The following ZIM2 variants were observed in gnomAD, a reference collection of about 807,000 sequenced individuals.
The protein encoded by ZIM2 is zinc finger imprinted 2.
ZIM2 carries 14 observed loss-of-function variants against 38.6 expected under a neutral mutation model. That is an observed-to-expected ratio of 0.36 (90% CI 0.24 to 0.57). The LOEUF (loss-of-function observed/expected upper bound fraction) is 0.57, where lower values mean the gene tolerates loss of function less well. Among genes scored for constraint, ZIM2 ranks in the 20% least tolerant of loss-of-function variants. The pLI is 0.81. For synonymous variants in ZIM2, 247 were observed against 245.8 expected (o/e 1.00, Z -0.04); for missense variants, 680 against 695.1 (o/e 0.98, Z 0.24).
rs1247456158 is a variant in ZIM2 at position 56,823,674 on chromosome 19, TGTC to T, written c.19_21del (p.Asp7del). 1.2e-6 allele frequency: 2 copies of T among 1,614,048 alleles called. No homozygotes were observed. The highest frequency in any genetic ancestry group is 2.7e-5 in the African/African-American group (2 of 74,912). On this transcript the variant is annotated inframe_deletion and splice_region_variant, in exon 5 of 13. Transcript: ENST00000629319. ...TCGTCGCTGGTCACGTCACTGTTGTTGTCGTCTAAGAGGACACCGGTCGCCAAG... is the reference window on the plus strand; with the variant it reads ...TCGTCGCTGGTCACGTCACTGTTGTTGTCTAAGAGGACACCGGTCGCCAAG...
intron 9 of ZIM2, chr19:56,810,218 T>C (rs1162075774): frequency 6.1e-6 from 6 of 982,966 alleles, no homozygotes; most frequent in Non-Finnish European, 7.2e-6. Flanking sequence ...CTTTGGATGG[T>C]GAAAACATGG....
chr19:56,811,457 A>T, intron 9 of ZIM2: 1 of 964,596 alleles, frequency 1.0e-6, no homozygotes, highest in Non-Finnish European at 1.2e-6. Flanking sequence ...CGTGATTATC[A>T]TTTTTAAACA....
intron 9 of ZIM2, among the ~76,000 whole-genome samples, chr19:56,805,487 T>C (rs1264510295): frequency 1.3e-5 from 2 of 152,200 alleles, no homozygotes; most frequent in Non-Finnish European, 2.9e-5. Context: ...TTTATCTAAG[T>C]GTCTCCCACT....
chr19:56,813,216 T>A (rs1287420417), intron 9 of ZIM2: 12 of 947,832 alleles, frequency 1.3e-5, no homozygotes, highest in Non-Finnish European at 1.5e-5. Flanking sequence ...AAAAAAAAAA[T>A]TCAAAGAATA....
intron 11 of ZIM2, among the ~76,000 whole-genome samples, chr19:56,780,612 C>T (rs964916762): frequency 9.2e-5 from 14 of 152,232 alleles, no homozygotes; most frequent in African/African-American, 2.9e-4. Context: ...CTCACACACA[C>T]ACACAAAAAT....
chr19:56,818,069 CAT>C (rs2060143624), intron 8 of ZIM2, among the ~76,000 whole-genome samples: 1 of 152,270 alleles, frequency 6.6e-6, no homozygotes, highest in African/African-American at 2.4e-5. Context: ...AAAGACCCCA[CAT>C]GTCCCTGAAA....
intron 10 of ZIM2, among the ~76,000 whole-genome samples, chr19:56,785,113 A>G (rs1212931525): frequency 6.6e-6 from 1 of 152,202 alleles, no homozygotes; most frequent in East Asian, 1.9e-4. Context: ...CTTCTGATTA[A>G]AAGCATTAGA....
chr19:56,812,003 C>T, intron 9 of ZIM2: 7 of 985,144 alleles, frequency 7.1e-6, no homozygotes, highest in Non-Finnish European at 8.4e-6. Context: ...CTTTGACATA[C>T]TTCCAAGCCC....
chr19:56,816,123 T>C, intron 9 of ZIM2: 1 of 1,613,268 alleles, frequency 6.2e-7, no homozygotes, highest in Non-Finnish European at 8.5e-7. Context: ...ACCTCTCATA[T>C]GATTTTGCCT....
chr19:56,789,875 G>C lies in ZIM2; in HGVS notation c.567C>G (p.Ser189=). Residue 189 remains serine, a synonymous_variant, in exon 10 of 13, where the codon TCC becomes TCG. Coordinates refer to ENST00000629319, the MANE Select transcript of ZIM2 (RefSeq NM_001387356.1). ...GTCAGAGGAAAGCCTGACTCACCTG[G>C]GACCCAGCAGATGGCAGATTGTCTA... ...EMLDNLPSAG[S]QFPDFKHLGT... 6.4e-7 allele frequency: 1 copy of C among 1,573,820 alleles called. No individual in the cohort carries two copies. The highest frequency in any genetic ancestry group is 1.2e-5 in the South Asian group (1 of 84,572).
chr19:56,805,590 C>T (rs1364202252), intron 9 of ZIM2, among the ~76,000 whole-genome samples: 1 of 152,158 alleles, frequency 6.6e-6, no homozygotes, highest in Non-Finnish European at 1.5e-5. Context: ...ACTAGCATCA[C>T]CAGTGATGGC....
intron 7 of ZIM2, among the ~76,000 whole-genome samples, chr19:56,819,855 CA>C (rs1313172634): frequency 6.6e-6 from 1 of 151,272 alleles, no homozygotes; most frequent in Non-Finnish European, 1.5e-5. Context: ...AAAAATGTAG[CA>C]AAAAAAAGAG....
intron 4 of ZIM2, 87 bp from the exon 5 acceptor site, chr19:56,823,766 C>A (rs2060739607): frequency 6.9e-7 from 1 of 1,439,122 alleles, no homozygotes; most frequent in South Asian, 1.2e-5. Context: ...ATCTCCCTGT[C>A]ACAGACACAC....
intron 2 of ZIM2, among the ~76,000 whole-genome samples, chr19:56,831,043 T>G (rs2061525134): frequency 6.6e-6 from 1 of 152,204 alleles, no homozygotes; most frequent in Non-Finnish European, 1.5e-5. Flanking sequence ...TCCTTTTTAT[T>G]TTGAGGTGGG....
At chr19:56,778,755 T>C (rs1042292963) in intron 12 of ZIM2, among the ~76,000 whole-genome samples, 1 of 152,086 alleles carries the variant, frequency 6.6e-6, no homozygotes, top group African/African-American at 2.4e-5. Flanking sequence ...TAACTACAAC[T>C]GAAGGACAAC....
At chr19:56,817,583 G>T (rs1219503681) in intron 9 of ZIM2, 163 bp downstream of exon 9, 1 of 1,579,450 alleles carries the variant, frequency 6.3e-7, no homozygotes, top group South Asian at 1.2e-5. Context: ...TTTAGACCTG[G>T]AAAGAAACCC....
In ZIM2 at chr19:56,814,688, A is replaced by G. The variant is rs181195047; in HGVS notation, c.490+3058T>C. On this transcript the variant is annotated intron_variant, in intron 9 of 12. Transcript: ENST00000629319. This position sits in a 1 kb window ranked among gnomAD's most constrained non-coding sequence, Gnocchi z 5.8. ...TCAGCCATCTGGCTCTGCTCCAGTA[A>G]ATCATCTTCCCTATGAAGTCTCATA... The G allele has an allele frequency of 6.2e-7, 1 of 1,614,068 alleles. No homozygotes were observed. Among genetic ancestry groups the G allele is most frequent in the South Asian group, 1.1e-5 (1 of 91,070 alleles).
intron 12 of ZIM2, among the ~76,000 whole-genome samples, chr19:56,775,962 A>AAG: frequency 6.6e-6 from 1 of 151,924 alleles, no homozygotes; most frequent in Non-Finnish European, 1.5e-5. Flanking sequence ...TTAACTGGGC[A>AAG]TGGTGGCGCG....
chr19:56,814,504 G>A lies in ZIM2; in HGVS notation c.490+3242C>T. 3.1e-6 allele frequency: 5 copies of A among 1,613,304 alleles called. No individual in the cohort carries two copies. The highest frequency in any genetic ancestry group is 4.2e-6 in the Non-Finnish European group (5 of 1,179,242). On this transcript the variant is annotated intron_variant, in intron 9 of 12. Transcript: ENST00000629319. This position sits in a 1 kb window ranked among gnomAD's most constrained non-coding sequence, Gnocchi z 5.8. ...AAGAAATGAGGTGTGAGTATAGGAG[G>A]ACCCGTACTCATAGGGCTCATTCTT...
Sources: gnomAD v4.1 joint callset for allele counts (sites outside exome capture counted in the v4.1 genomes callset) on GRCh38, gnomAD v4.1.1 for gene constraint, Gnocchi (gnomAD v3.1) non-coding constraint, MANE v1.5 for transcripts, NCBI Gene and HGNC (gene_info 2026-07-23, HGNC 2026-07-21) for gene names.